Variants in FBXO31 observed in about 807,000 individuals in gnomAD.
The protein encoded by FBXO31 is F-box protein 31.
Under a neutral mutation model 54.4 loss-of-function variants are expected in FBXO31, and 24 were observed. The observed-to-expected ratio is 0.44, with a 90% confidence interval of 0.32 to 0.62. FBXO31 has a LOEUF of 0.62. Among genes scored for constraint, FBXO31 ranks in the 20% least tolerant of loss-of-function variants. The probability of loss-of-function intolerance (pLI) is 0.05; values close to 1 mark genes in which losing one functional copy is unlikely to be tolerated. For synonymous variants in FBXO31, 388 were observed against 335.6 expected (o/e 1.16, Z -1.71); for missense variants, 665 against 787.1 (o/e 0.84, Z 1.86).
rs1176331360 is a variant in FBXO31, at chr16:87,336,805, G to A, written c.733-541C>T. Among the ~76,000 whole-genome samples, 3 of 152,184 alleles carry A rather than the reference G, an allele frequency of 2.0e-5. No individual in the cohort carries two copies. The highest frequency in any genetic ancestry group is 2.4e-5 in the African/African-American group (1 of 41,434). Reference sequence around the variant, plus strand: ...TCAAAGGAAAAGCAGGTATGTTAAGGCGGTTCCCAAAAACTCCGCAGCCCC... The same window carrying A: ...TCAAAGGAAAAGCAGGTATGTTAAGACGGTTCCCAAAAACTCCGCAGCCCC... On this transcript the variant is annotated intron_variant, in intron 5 of 8. Coordinates refer to ENST00000311635, the MANE Select transcript of FBXO31 (RefSeq NM_024735.5). This position sits in a 1 kb window ranked among gnomAD's most constrained non-coding sequence, Gnocchi z 6.5.
intron 1 of FBXO31, among the ~76,000 whole-genome samples, chr16:87,366,055 A>G (rs1906354049): frequency 1.3e-5 from 2 of 152,184 alleles, no homozygotes; most frequent in Non-Finnish European, 2.9e-5. Context: ...ACAAAAAACA[A>G]ATCGGTCAAC....
chr16:87,354,842 C>A (rs1015618949), intron 2 of FBXO31, among the ~76,000 whole-genome samples: 17 of 152,052 alleles, frequency 1.1e-4, no homozygotes, highest in African/African-American at 3.6e-4. Flanking sequence ...GTGGCATATG[C>A]CTGTAATCCC....
upstream of FBXO31, chr16:87,392,088 G>T (rs1248846995): frequency 2.5e-5 from 6 of 242,510 alleles, no homozygotes; most frequent in African/African-American, 4.5e-5. Flanking sequence ...GTCACCTCAG[G>T]GGCCTCAGGC....
At chr16:87,380,318 CAAAG>C in intron 1 of FBXO31, among the ~76,000 whole-genome samples, 1 of 140,538 alleles carries the variant, frequency 7.1e-6, no homozygotes, top group Admixed American at 7.2e-5. Flanking sequence ...AAAAAAAAGA[CAAAG>C]GAACCAAAAG....
chr16:87,370,319 A>G (rs1906544685), intron 1 of FBXO31, among the ~76,000 whole-genome samples: 1 of 152,230 alleles, frequency 6.6e-6, no homozygotes, highest in South Asian at 2.1e-4. Flanking sequence ...ACACAGAGTC[A>G]CTATTCTGTG....
At chr16:87,369,674 G>A (rs1212520913) in intron 1 of FBXO31, among the ~76,000 whole-genome samples, 2 of 152,068 alleles carry the variant, frequency 1.3e-5, no homozygotes, top group East Asian at 3.9e-4. Flanking sequence ...TTCTTTTATG[G>A]GGGGAATATA....
At chr16:87,387,345 G>A (rs900136471), upstream of FBXO31, among the ~76,000 whole-genome samples, 3 of 152,152 alleles carry the variant, frequency 2.0e-5, no homozygotes, top group African/African-American at 7.2e-5. Context: ...AAACGAGGAA[G>A]AACTAGATAG....
chr16:87,349,871 T>C (rs1243540240), intron 2 of FBXO31, among the ~76,000 whole-genome samples: 1 of 150,918 alleles, frequency 6.6e-6, no homozygotes, highest in East Asian at 1.9e-4. Context: ...ATCGTGCCAC[T>C]GCACTCCAGC....
chr16:87,392,085 C>T (rs1597386777), upstream of FBXO31: 1 of 238,284 alleles, frequency 4.2e-6, no homozygotes, highest in South Asian at 1.5e-4. Flanking sequence ...ACCGTCACCT[C>T]AGGGGCCTCA....
In FBXO31 at chr16:87,364,264, G is replaced by T. The variant is rs144004347; in HGVS notation, c.341-3898C>A. On this transcript the variant is annotated intron_variant, in intron 1 of 8. Coordinates refer to ENST00000311635, the MANE Select transcript of FBXO31 (RefSeq NM_024735.5). ...CACCGCACAGGAGGGCTGACCCCAGGGAAACGTGTCACCAGGACACAGCAC... is the reference window on the plus strand; with the variant it reads ...CACCGCACAGGAGGGCTGACCCCAGTGAAACGTGTCACCAGGACACAGCAC... Among the ~76,000 whole-genome samples, 251 of 152,326 alleles carry T rather than the reference G, an allele frequency of 1.6e-3. 2 individuals are homozygous for T. Among genetic ancestry groups the T allele is most frequent in the Middle Eastern group, 0.014 (4 of 294 alleles).
At chr16:87,389,385 A>G (rs1216380245) in intron 1 of FBXO31, among the ~76,000 whole-genome samples, 1 of 152,188 alleles carries the variant, frequency 6.6e-6, no homozygotes, top group Non-Finnish European at 1.5e-5. Flanking sequence ...GCCCATTACT[A>G]CACAACTGTC....
In FBXO31 at chr16:87,358,958, G is replaced by C. The variant is rs1403469267; in HGVS notation, c.412+1337C>G. 6.6e-6 allele frequency among the ~76,000 whole-genome samples: 1 copy of C among 152,140 alleles called. No homozygotes were observed. Among genetic ancestry groups the C allele is most frequent in the Non-Finnish European group, 1.5e-5 (1 of 68,020 alleles). The stretch of plus-strand genomic sequence containing the variant: ...CTAACTCAGGCCAGCCTCGTCACAG[G>C]TCATCCAAGGTTGCCCAACTACACC... On this transcript the variant is annotated intron_variant, in intron 2 of 8. Transcript: ENST00000311635. The surrounding 1 kb of genome is among the most constrained non-coding windows in gnomAD (Gnocchi z 4.0).
At chr16:87,353,858 G>A (rs1905776180) in intron 2 of FBXO31, among the ~76,000 whole-genome samples, 1 of 152,356 alleles carries the variant, frequency 6.6e-6, no homozygotes, top group Middle Eastern at 3.4e-3. Flanking sequence ...TGAGAAAGTG[G>A]GTTTCTGTTA....
chr16:87,387,750 T>C (rs996067912), upstream of FBXO31, among the ~76,000 whole-genome samples: 3 of 152,036 alleles, frequency 2.0e-5, no homozygotes, highest in Admixed American at 6.5e-5. Flanking sequence ...GAGCTTGCAG[T>C]GAGCCGAGAT....
At chr16:87,370,742 G>A (rs751706460) in intron 1 of FBXO31, among the ~76,000 whole-genome samples, 1 of 152,168 alleles carries the variant, frequency 6.6e-6, no homozygotes, top group Non-Finnish European at 1.5e-5. Context: ...AGGGGGCGGC[G>A]AGTGCTGAGG....
In FBXO31 at chr16:87,331,158, A is replaced by G. The variant is rs2150666276; in HGVS notation, c.*130T>C. 2 of 807,948 alleles carry G rather than the reference A, an allele frequency of 2.5e-6. No homozygotes were observed. The highest frequency in any genetic ancestry group is 3.4e-5 in the South Asian group (2 of 58,288). 50.0% of individuals were successfully genotyped at this position (807,948 alleles called of 1,614,324 possible). Reference sequence around the variant, plus strand: ...ACATAAAGTGCTGGGGGGTGGCTGGACTGGGCCCCCCGACGAGGTGTGCGT... The same window carrying G: ...ACATAAAGTGCTGGGGGGTGGCTGGGCTGGGCCCCCCGACGAGGTGTGCGT... On this transcript the variant is annotated 3_prime_UTR_variant, in exon 9 of 9. Coordinates refer to ENST00000311635, the MANE Select transcript of FBXO31 (RefSeq NM_024735.5).
rs866268682 is a variant in FBXO31 at position 87,378,977 on chromosome 16, C to A, written c.340+4428G>T. Reference sequence around the variant, plus strand: ...ACTCCATCTCAAAAAAAAAAAAAAACAAAATATATAGATATAGACATAGAT... The same window carrying A: ...ACTCCATCTCAAAAAAAAAAAAAAAAAAAATATATAGATATAGACATAGAT... On this transcript the variant is annotated intron_variant, in intron 1 of 8. Transcript: ENST00000311635. Among the ~76,000 whole-genome samples, 1,309 of 146,862 alleles carry A rather than the reference C, an allele frequency of 8.9e-3. 11 individuals are homozygous for A. The highest frequency in any genetic ancestry group is 0.024 in the South Asian group (112 of 4,608).
intron 1 of FBXO31, among the ~76,000 whole-genome samples, chr16:87,365,895 G>A (rs1906347382): frequency 6.6e-6 from 1 of 152,128 alleles, no homozygotes; most frequent in Admixed American, 6.6e-5. Context: ...GGGTGTGGTG[G>A]CAGCCACCTG....
At chr16:87,385,451 C>CT (rs760309452), upstream of FBXO31, among the ~76,000 whole-genome samples, 2 of 132,466 alleles carry the variant, frequency 1.5e-5, no homozygotes. Flanking sequence ...GAGCAAGACT[C>CT]TGTCTCAAAA....
Sources: allele counts gnomAD v4.1 joint callset (sites outside exome capture counted in the v4.1 genomes callset), GRCh38; gene constraint gnomAD v4.1.1; non-coding constraint Gnocchi (gnomAD v3.1); transcripts MANE v1.5; gene names NCBI Gene and HGNC (gene_info 2026-07-23, HGNC 2026-07-21).